Variants in CFAP46 observed in about 807,000 individuals in gnomAD.
CFAP46 encodes the protein cilia- and flagella-associated protein 46.
Under a neutral mutation model 325.7 loss-of-function variants are expected in CFAP46, and 245 were observed. The ratio of observed to expected loss-of-function variants is 0.75; its 90% CI spans 0.68 to 0.84. The LOEUF is 0.84. Ranked by LOEUF, CFAP46 falls within the 40% of genes least tolerant of loss-of-function variation. The pLI, the probability that CFAP46 is intolerant of heterozygous loss-of-function variation, is 0.00. For synonymous variants in CFAP46, 1,523 were observed against 1,495.9 expected (o/e 1.02, Z -0.42); for missense variants, 3,346 against 3,543.0 (o/e 0.94, Z 1.41).
chr10:132,898,930 G>A (rs1175236109), intron 24 of CFAP46, 29 bp downstream of exon 24: 2 of 1,550,214 alleles, frequency 1.3e-6, no homozygotes, highest in Admixed American at 3.9e-5. Flanking sequence ...CTCAGTGGGA[G>A]TCAGGAGCCC....
intron 6 of CFAP46, chr10:132,937,338 C>A: frequency 1.4e-5 from 8 of 573,676 alleles, no homozygotes; most frequent in Admixed American, 7.3e-5. Flanking sequence ...GGCAAAAGAC[C>A]CTGTTTTGTT....
chr10:132,937,035 G>A lies in CFAP46; in HGVS notation c.681C>T (p.Asp227=), dbSNP rs758549685. The A allele has an allele frequency of 2.1e-4, 314 of 1,525,430 alleles. No individual in the cohort carries two copies. The highest frequency in any genetic ancestry group is 2.7e-4 in the Non-Finnish European group (300 of 1,125,026). 94.5% of individuals were successfully genotyped at this position (1,525,430 alleles called of 1,614,324 possible). The change falls in exon 7 of 58, where the codon GAC becomes GAT. Residue 227 remains aspartate, a synonymous_variant. Transcript: ENST00000368586. Reference sequence around the variant, plus strand: ...TCTTTTCTTCCTTTAACTGAAGTTCGTCCATTAATTCATGACGAACCTGTC... The same window carrying A: ...TCTTTTCTTCCTTTAACTGAAGTTCATCCATTAATTCATGACGAACCTGTC... ...FSVMVRHELM[D]ELQLKEEKKN... is the part of the protein sequence containing the mutation.
At chr10:132,811,066 G>A (rs774313620) in intron 55 of CFAP46, 35 bp from the exon 56 acceptor site, 2 of 1,537,836 alleles carry the variant, frequency 1.3e-6, no homozygotes, top group Non-Finnish European at 1.8e-6. Flanking sequence ...AGCAGCCTTG[G>A]CCTGACATGG....
chr10:132,853,100 G>A (rs1848586096), intron 39 of CFAP46, among the ~76,000 whole-genome samples: 1 of 152,086 alleles, frequency 6.6e-6, no homozygotes, highest in South Asian at 2.1e-4. Context: ...CGGAACACAG[G>A]TGAGAAGAGG....
chr10:132,879,187 G>C (rs1849001488), intron 29 of CFAP46, among the ~76,000 whole-genome samples: 1 of 152,184 alleles, frequency 6.6e-6, no homozygotes, highest in African/African-American at 2.4e-5. Flanking sequence ...AATGTGGAGG[G>C]TGCAGGAATG....
intron 24 of CFAP46, among the ~76,000 whole-genome samples, chr10:132,894,080 A>G (rs1849290478): frequency 6.6e-6 from 1 of 152,172 alleles, no homozygotes; most frequent in Non-Finnish European, 1.5e-5. Context: ...CGCTGGTAAC[A>G]CGCTTTGAGG....
chr10:132,854,050 T>C (rs1347710625), intron 39 of CFAP46, among the ~76,000 whole-genome samples: 2 of 152,212 alleles, frequency 1.3e-5, no homozygotes, highest in Admixed American at 6.5e-5. Flanking sequence ...CCTCTGCTTA[T>C]TTGGGAACTG....
chr10:132,884,838 C>T lies in CFAP46; in HGVS notation c.3627+265G>A, dbSNP rs537070653. On this transcript the variant is annotated intron_variant, in intron 27 of 57. Transcript: ENST00000368586. The surrounding 1 kb of genome is among the most constrained non-coding windows in gnomAD (Gnocchi z 5.4). Reference sequence around the variant, plus strand: ...TCCACTTGGGGCATCACCCTCTGGGCCCCCCTCACCCTGCTCAGGGACGAG... The same window carrying T: ...TCCACTTGGGGCATCACCCTCTGGGTCCCCCTCACCCTGCTCAGGGACGAG... 2.1e-3 allele frequency among the ~76,000 whole-genome samples: 314 copies of T among 152,278 alleles called. 1 individual carries two copies. Among genetic ancestry groups the T allele is most frequent in the East Asian group, 7.6e-3 (39 of 5,164 alleles).
At position 132,808,709 on chromosome 10, in the gene CFAP46, A is replaced by T; in HGVS notation, c.7860T>A (p.His2620Gln). ...TGGGGATGGGAGCCGGGAGGTGGGG[A>T]TGGGTTGGCAGAGGGGCAGAGCCAA... is the stretch of plus-strand genomic sequence containing the variant. ...SALGSAPLPT[H>Q]PHLPAPIPSS... The change falls in exon 58 of 58, where the codon CAT (histidine) becomes CAA (glutamine). Residue 2620 changes from histidine (H) to glutamine (Q), a missense_variant. Transcript: ENST00000368586. The surrounding 1 kb of genome is among the most constrained non-coding windows in gnomAD (Gnocchi z 6.8). 1 of 1,568,250 alleles carries T rather than the reference A, an allele frequency of 6.4e-7. No homozygotes were observed. The highest frequency in any genetic ancestry group is 8.6e-7 in the Non-Finnish European group (1 of 1,156,928).
intron 27 of CFAP46, 86 bp downstream of exon 27, chr10:132,885,017 G>T: frequency 1.4e-6 from 2 of 1,398,666 alleles, no homozygotes; most frequent in South Asian, 2.9e-5. Context: ...CCCACACCAG[G>T]TCCCTGCTGA....
chr10:132,884,071 C>G lies in CFAP46; in HGVS notation c.3627+1032G>C, dbSNP rs543739538. On this transcript the variant is annotated intron_variant, in intron 27 of 57. Coordinates refer to ENST00000368586, the MANE Select transcript of CFAP46 (RefSeq NM_001200049.3). This position sits in a 1 kb window ranked among gnomAD's most constrained non-coding sequence, Gnocchi z 5.4. ...AAAACACTTTCAAGGGTTTCTGCCC[C>G]GAGGCCCAGTGCAGCTCAGCTGGGT... Among the ~76,000 whole-genome samples, 2 of 152,220 alleles carry G rather than the reference C, an allele frequency of 1.3e-5. No homozygotes were observed. The highest frequency in any genetic ancestry group is 2.9e-5 in the Non-Finnish European group (2 of 68,034).
chr10:132,899,506 G>A (rs1234747736), intron 23 of CFAP46, 29 bp downstream of exon 23: 2 of 1,529,032 alleles, frequency 1.3e-6, no homozygotes, highest in African/African-American at 1.4e-5. Context: ...GAGGGACAGA[G>A]CCCACCCCAG....
chr10:132,847,677 AC>A lies in CFAP46; in HGVS notation c.5953-357del, dbSNP rs1848463532. Among the ~76,000 whole-genome samples, 1 of 151,998 alleles carries A rather than the reference AC, an allele frequency of 6.6e-6. No individual in the cohort carries two copies. On this transcript the variant is annotated intron_variant, in intron 41 of 57. Transcript: ENST00000368586. The surrounding 1 kb of genome is among the most constrained non-coding windows in gnomAD (Gnocchi z 5.2). Reference sequence around the variant, plus strand: ...GTCCTTTGGAAACACCTCTCCCGGAACCAGCCAGCACTGAGGCTGAGGCATC... The same window carrying A: ...GTCCTTTGGAAACACCTCTCCCGGAACAGCCAGCACTGAGGCTGAGGCATC...
At chr10:132,850,183 T>C (rs1411979443) in intron 41 of CFAP46, 61 bp downstream of exon 41, 36 of 1,513,658 alleles carry the variant, frequency 2.4e-5, no homozygotes, top group Non-Finnish European at 3.1e-5. Context: ...TTCGCTTGTG[T>C]TTTTCAGGCA....
In CFAP46 at chr10:132,941,980, C is replaced by T. The variant is rs2090426104; in HGVS notation, c.174G>A (p.Lys58=). Residue 58 remains lysine, a splice_region_variant and synonymous_variant, in exon 2 of 58, where the codon AAG becomes AAA. Transcript: ENST00000368586. ...ACCGAGGATCCCGGGAACTAGTTACCTTCAGGGCCTGCTCTGCACACAGAA... is the reference window on the plus strand; with the variant it reads ...ACCGAGGATCCCGGGAACTAGTTACTTTCAGGGCCTGCTCTGCACACAGAA... ...LFVLCAEQAL[K]MRQPEVSEDC... is the part of the protein sequence containing the mutation. 2 of 1,551,814 alleles carry T rather than the reference C, an allele frequency of 1.3e-6. No individual in the cohort carries two copies. The highest frequency in any genetic ancestry group is 1.7e-6 in the Non-Finnish European group (2 of 1,147,036).
chr10:132,832,392 C>T lies in CFAP46; in HGVS notation c.7117+966G>A, dbSNP rs544794564. Among the ~76,000 whole-genome samples the T allele has an allele frequency of 5.1e-5, 7 of 138,476 alleles. 1 individual carries two copies. Among genetic ancestry groups the T allele is most frequent in the South Asian group, 2.8e-4 (1 of 3,540 alleles). 90.8% of individuals were successfully genotyped at this position (138,476 alleles called of 152,430 possible). ...GGAGACCCCTGGGCTCTTCCTGCCC[C>T]CCCCCCCCAATGCTGTGGCCTGGAA... On this transcript the variant is annotated intron_variant, in intron 50 of 57. Coordinates refer to ENST00000368586, the MANE Select transcript of CFAP46 (RefSeq NM_001200049.3). The surrounding 1 kb of genome is among the most constrained non-coding windows in gnomAD (Gnocchi z 4.1).
At chr10:132,881,778 C>T (rs1236639433) in intron 27 of CFAP46, among the ~76,000 whole-genome samples, 3 of 152,268 alleles carry the variant, frequency 2.0e-5, no homozygotes, top group Admixed American at 1.3e-4. Flanking sequence ...CACCACACCA[C>T]GTGCCATGCA....
At chr10:132,843,404 C>T (rs538038821) in intron 44 of CFAP46, among the ~76,000 whole-genome samples, 10 of 143,258 alleles carry the variant, frequency 7.0e-5, no homozygotes, top group African/African-American at 2.4e-4. Context: ...GCTCTGGTCT[C>T]GGTGGGTGTT....
intron 50 of CFAP46, among the ~76,000 whole-genome samples, chr10:132,816,617 G>C (rs115454313): frequency 0.023 from 3,443 of 152,302 alleles, 43 homozygotes; most frequent in South Asian, 0.045. Context: ...ACAGGCGTGA[G>C]CAATTGTGCC....
Sources: gnomAD v4.1 joint callset for allele counts (sites outside exome capture counted in the v4.1 genomes callset) on GRCh38, gnomAD v4.1.1 for gene constraint, Gnocchi (gnomAD v3.1) non-coding constraint, MANE v1.5 for transcripts, NCBI Gene and HGNC (gene_info 2026-07-23, HGNC 2026-07-21) for gene names.